NFATC3: variants seen among roughly 807,000 people sequenced by gnomAD.
NFATC3 encodes nuclear factor of activated T-cells, cytoplasmic 3.
In NFATC3, 46 loss-of-function variants were observed where a neutral mutation model predicts 98.6. That is an observed-to-expected ratio of 0.47 (90% CI 0.37 to 0.60). The LOEUF (loss-of-function observed/expected upper bound fraction) is 0.60, where lower values mean the gene tolerates loss of function less well. NFATC3 is among the 20% of genes least tolerant of loss of function. NFATC3 has a pLI of 0.00. For synonymous variants in NFATC3, 512 were observed against 472.2 expected, an observed-to-expected ratio of 1.08 and a Z score of -1.09; for missense variants, 1,256 against 1,295.5, an observed-to-expected ratio of 0.97 and a Z score of 0.47.
At chr16:68,117,581 T>A (rs1246426755) in intron 1 of NFATC3, among the ~76,000 whole-genome samples, 1 of 152,148 alleles carries the variant, frequency 6.6e-6, no homozygotes. Flanking sequence ...TATCTTGGCT[T>A]ACAGCAACCT....
chr16:68,215,708 TAGAG>T (rs996877990), intron 9 of NFATC3, among the ~76,000 whole-genome samples: 3 of 149,310 alleles, frequency 2.0e-5, no homozygotes, highest in African/African-American at 4.9e-5. Flanking sequence ...TTCTTTGAGA[TAGAG>T]AGATTTGCAC....
chr16:68,178,235 A>G (rs72790395), intron 6 of NFATC3, among the ~76,000 whole-genome samples: 269 of 152,350 alleles, frequency 1.8e-3, no homozygotes, highest in Non-Finnish European at 3.0e-3. Context: ...TACTTAAAAT[A>G]TGAAAACATA....
At chr16:68,161,673 A>G (rs2038900713) in intron 4 of NFATC3, among the ~76,000 whole-genome samples, 1 of 152,222 alleles carries the variant, frequency 6.6e-6, no homozygotes, top group African/African-American at 2.4e-5. Context: ...GCCCGTTTAC[A>G]GTAATTATAG....
intron 9 of NFATC3, chr16:68,209,850 G>GACACAC (rs755825565): frequency 3.1e-4 from 98 of 314,646 alleles, no homozygotes; most frequent in South Asian, 2.9e-4. Flanking sequence ...CACACACACA[G>GACACAC]ACACACACAC....
At chr16:68,165,882 T>G (rs1216580580) in intron 4 of NFATC3, among the ~76,000 whole-genome samples, 2 of 152,258 alleles carry the variant, frequency 1.3e-5, no homozygotes, top group African/African-American at 4.8e-5. Flanking sequence ...TTTGCTTTAT[T>G]CTTCCAATAT....
intron 3 of NFATC3, among the ~76,000 whole-genome samples, chr16:68,134,727 TA>T (rs2151526089): frequency 6.6e-6 from 1 of 152,302 alleles, no homozygotes; most frequent in African/African-American, 2.4e-5. Flanking sequence ...GGATGGGGGA[TA>T]CCTTTTATCA....
intron 3 of NFATC3, chr16:68,138,540 C>T (rs144826295): frequency 3.3e-5 from 42 of 1,287,410 alleles, no homozygotes; most frequent in Middle Eastern, 2.1e-4. Flanking sequence ...CTTTTGATGT[C>T]GTCTTTGATG....
At chr16:68,158,965 C>G (rs1438077983) in intron 4 of NFATC3, among the ~76,000 whole-genome samples, 1 of 152,222 alleles carries the variant, frequency 6.6e-6, no homozygotes, top group Non-Finnish European at 1.5e-5. Context: ...AGCACCATGG[C>G]TCATGCCTGT....
At chr16:68,188,229 G>T (rs73612230) in intron 8 of NFATC3, among the ~76,000 whole-genome samples, 1 of 152,156 alleles carries the variant, frequency 6.6e-6, no homozygotes, top group African/African-American at 2.4e-5. Context: ...GTTGCGGGAG[G>T]GGGGCTTCCT....
intron 3 of NFATC3, among the ~76,000 whole-genome samples, chr16:68,157,526 C>G (rs1325165523): frequency 2.0e-5 from 3 of 152,122 alleles, no homozygotes; most frequent in South Asian, 4.1e-4. Context: ...TAGGTCTGGT[C>G]TGAATGGTTA....
intron 4 of NFATC3, among the ~76,000 whole-genome samples, chr16:68,162,829 G>A (rs1049329151): frequency 4.6e-5 from 7 of 151,874 alleles, no homozygotes; most frequent in African/African-American, 7.3e-5. Flanking sequence ...ATAGTGGAGG[G>A]AAGGTCAGCA....
chr16:68,226,236 T>A (rs2042034101), intron 9 of NFATC3, 114 bp from the exon 10 acceptor site: 2 of 1,319,728 alleles, frequency 1.5e-6, no homozygotes, highest in Non-Finnish European at 2.0e-6. Context: ...ACACTGCCTT[T>A]ATCTTTACAG....
intron 1 of NFATC3, among the ~76,000 whole-genome samples, chr16:68,103,529 C>G (rs144125902): frequency 2.8e-4 from 42 of 152,256 alleles, no homozygotes; most frequent in African/African-American, 9.9e-4. Flanking sequence ...TGATGGTGCC[C>G]TTTGGTGCAC....
At chr16:68,226,035 C>T (rs1458333886) in intron 9 of NFATC3, 1 of 193,264 alleles carries the variant, frequency 5.2e-6, no homozygotes, top group African/African-American at 2.3e-5. Flanking sequence ...AAAATAAAAA[C>T]TTTCTCAAAG....
At chr16:68,171,961 G>A (rs1283286284) in intron 5 of NFATC3, among the ~76,000 whole-genome samples, 1 of 151,864 alleles carries the variant, frequency 6.6e-6, no homozygotes, top group Non-Finnish European at 1.5e-5. Flanking sequence ...GCTAATTTTT[G>A]TATTTTTAGT....
Position 68,226,429 on chromosome 16 carries a change from G to C in NFATC3, c.3186G>C (p.Pro1062=). 1 of 1,565,294 alleles carries C rather than the reference G, an allele frequency of 6.4e-7. No individual in the cohort carries two copies. The highest frequency in any genetic ancestry group is 8.6e-7 in the Non-Finnish European group (1 of 1,160,890). The change falls in exon 10 of 10, where the codon CCG becomes CCC. Residue 1062 remains proline (P), a synonymous_variant. Transcript: ENST00000346183. ...GAGVSRQAPL[P]SPESLDLGRS... is the part of the protein sequence containing the mutation. ...GGGTGAGCAGGCAGGCTCCCCTCCC[G>C]AGTCCTGAGTCCCTGGATTTAGGAA...
chr16:68,138,551 C>G, intron 3 of NFATC3: 1 of 1,288,870 alleles, frequency 7.8e-7, no homozygotes, highest in Middle Eastern at 2.1e-4. Flanking sequence ...GTCTTTGATG[C>G]ACAGCTTCTA....
chr16:68,225,691 A>G (rs912897693), intron 9 of NFATC3: 1 of 152,200 alleles, frequency 6.6e-6, no homozygotes, highest in Non-Finnish European at 1.5e-5. Context: ...TAGACTCTTT[A>G]GTTGATAAGG....
In NFATC3 at chr16:68,122,514, TCTC is replaced by T. The variant is rs1317396510; in HGVS notation, c.634_636del (p.Pro212del). On this transcript the variant is annotated inframe_deletion, in exon 2 of 10. Coordinates refer to ENST00000346183, the MANE Select transcript of NFATC3 (RefSeq NM_173165.3). ...ATTTACCCTTGGATCCCCTCTGACTTCTCCTGGTGGCTCTCCAGGGGGCTGCCC... is the reference window on the plus strand; with the variant it reads ...ATTTACCCTTGGATCCCCTCTGACTTCTGGTGGCTCTCCAGGGGGCTGCCC... 6 of 1,614,058 alleles carry T rather than the reference TCTC, an allele frequency of 3.7e-6. No homozygotes were observed. Among genetic ancestry groups the T allele is most frequent in the Non-Finnish European group, 5.1e-6 (6 of 1,180,008 alleles).
Sources: allele counts gnomAD v4.1 joint callset (sites outside exome capture counted in the v4.1 genomes callset), GRCh38; gene constraint gnomAD v4.1.1; transcripts MANE v1.5; gene names NCBI Gene and HGNC (gene_info 2026-07-23, HGNC 2026-07-21).